Variants in ZMAT4 observed in about 807,000 individuals in gnomAD.
ZMAT4 encodes zinc finger matrin-type 4, also known as zinc finger matrin-type protein 4.
Under a neutral mutation model 28.7 loss-of-function variants are expected in ZMAT4, and 17 were observed. The observed-to-expected ratio is 0.59, with a 90% CI of 0.41 to 0.89. ZMAT4 has a LOEUF of 0.89. Ranked by LOEUF, ZMAT4 falls within the 40% of genes least tolerant of loss-of-function variation. The probability of loss-of-function intolerance (pLI) is 0.00; values close to 1 mark genes in which losing one functional copy is unlikely to be tolerated. For synonymous variants in ZMAT4, 117 were observed against 109.2 expected (o/e 1.07, Z -0.44); for missense variants, 240 against 283.8 (o/e 0.85, Z 1.11).
chr8:40,820,971 G>A (rs1815799639), intron 2 of ZMAT4, among the ~76,000 whole-genome samples: 1 of 73,702 alleles, frequency 1.4e-5, no homozygotes, highest in Non-Finnish European at 2.9e-5. Context: ...GTGTATGTGT[G>A]TATGTGTATG....
intron 6 of ZMAT4, among the ~76,000 whole-genome samples, chr8:40,551,947 G>A (rs773769490): frequency 9.9e-5 from 15 of 152,252 alleles, no homozygotes; most frequent in Admixed American, 2.0e-4. Context: ...CCCATACAGC[G>A]TGTGTGAGGA....
intron 1 of ZMAT4, among the ~76,000 whole-genome samples, chr8:40,865,640 T>C (rs911153315): frequency 8.5e-5 from 13 of 152,112 alleles, no homozygotes; most frequent in Non-Finnish European, 1.8e-4. Context: ...GTGGGAGGGA[T>C]TATGCCTTTT....
chr8:40,646,069 A>G (rs918327541), intron 5 of ZMAT4, among the ~76,000 whole-genome samples: 1 of 152,010 alleles, frequency 6.6e-6, no homozygotes, highest in African/African-American at 2.4e-5. Flanking sequence ...TATATATTAT[A>G]AACCATTAAT....
chr8:40,566,802 T>A (rs1343761468), intron 6 of ZMAT4, among the ~76,000 whole-genome samples: 4 of 151,856 alleles, frequency 2.6e-5, no homozygotes, highest in African/African-American at 9.7e-5. Flanking sequence ...AAGGGACAAC[T>A]AGGTGCTAAT....
At chr8:40,548,134 G>A (rs147978647) in intron 6 of ZMAT4, among the ~76,000 whole-genome samples, 303 of 152,246 alleles carry the variant, frequency 2.0e-3, no homozygotes, top group African/African-American at 7.1e-3. Flanking sequence ...TGGAAGGAAT[G>A]CAAAGAGATA....
chr8:40,762,641 G>T (rs754075673), intron 3 of ZMAT4, among the ~76,000 whole-genome samples: 1 of 152,100 alleles, frequency 6.6e-6, no homozygotes, highest in Non-Finnish European at 1.5e-5. Flanking sequence ...GGGAAACAGA[G>T]CAAGACCCCA....
intron 6 of ZMAT4, among the ~76,000 whole-genome samples, chr8:40,543,126 G>A (rs553939744): frequency 6.6e-6 from 1 of 151,458 alleles, no homozygotes; most frequent in East Asian, 1.9e-4. Flanking sequence ...CAGAGTTTAC[G>A]TGCCATCCAG....
chr8:40,820,476 T>A (rs1196334061), intron 2 of ZMAT4, among the ~76,000 whole-genome samples: 1 of 149,778 alleles, frequency 6.7e-6, no homozygotes, highest in Non-Finnish European at 1.5e-5. Flanking sequence ...GTATGTGTGT[T>A]TATGTGTATG....
chr8:40,796,929 T>C (rs999375974), intron 2 of ZMAT4, among the ~76,000 whole-genome samples: 6 of 152,158 alleles, frequency 3.9e-5, no homozygotes, highest in African/African-American at 9.7e-5. Flanking sequence ...TCCAGCCCCA[T>C]AACTGGCTAA....
chr8:40,788,288 G>GCTTA (rs35910283), intron 2 of ZMAT4, among the ~76,000 whole-genome samples: 25,113 of 152,054 alleles, frequency 0.17, 2,554 homozygotes, highest in Middle Eastern at 0.24. Flanking sequence ...AACTACCAAA[G>GCTTA]CTTAAGAATA....
intron 3 of ZMAT4, among the ~76,000 whole-genome samples, chr8:40,719,821 C>CT (rs1324444617): frequency 1.3e-5 from 2 of 152,146 alleles, no homozygotes; most frequent in African/African-American, 4.8e-5. Flanking sequence ...TCTGCCCCCC[C>CT]TCAGCCTCCC....
chr8:40,532,160 A>G lies in ZMAT4; in HGVS notation c.*63T>C. The G allele has an allele frequency of 6.7e-7, 1 of 1,486,356 alleles. No homozygotes were observed. The highest frequency in any genetic ancestry group is 9.1e-7 in the Non-Finnish European group (1 of 1,103,746). 92.1% of individuals were successfully genotyped at this position (1,486,356 alleles called of 1,614,324 possible). On this transcript the variant is annotated 3_prime_UTR_variant, in exon 7 of 7. Transcript: ENST00000297737. Reference sequence around the variant, plus strand: ...AAAGAAGCCTCCTCTGGTGGTTGATAAGCAATTCTCCACGGCAGAGAAATG... The same window carrying G: ...AAAGAAGCCTCCTCTGGTGGTTGATGAGCAATTCTCCACGGCAGAGAAATG...
At chr8:40,642,777 TGCC>T (rs1307735192) in intron 5 of ZMAT4, among the ~76,000 whole-genome samples, 1 of 152,248 alleles carries the variant, frequency 6.6e-6, no homozygotes, top group African/African-American at 2.4e-5. Context: ...GGAGGAGCAC[TGCC>T]GTGCATATGC....
intron 5 of ZMAT4, among the ~76,000 whole-genome samples, chr8:40,601,947 C>T (rs1447303415): frequency 6.6e-6 from 1 of 152,034 alleles, no homozygotes; most frequent in Non-Finnish European, 1.5e-5. Context: ...GTGGTGGTTT[C>T]TGAAATTTTG....
At chr8:40,541,565 C>T (rs987066448) in intron 6 of ZMAT4, among the ~76,000 whole-genome samples, 1 of 152,138 alleles carries the variant, frequency 6.6e-6, no homozygotes, top group African/African-American at 2.4e-5. Context: ...CGAGTCTGGC[C>T]AGTGGCTACT....
At chr8:40,816,133 G>C (rs1815525065) in intron 2 of ZMAT4, among the ~76,000 whole-genome samples, 1 of 152,154 alleles carries the variant, frequency 6.6e-6, no homozygotes. Flanking sequence ...ACATGCCCCA[G>C]CCTCTCTACA....
At chr8:40,590,335 A>G (rs1299674408) in intron 5 of ZMAT4, among the ~76,000 whole-genome samples, 4 of 151,712 alleles carry the variant, frequency 2.6e-5, no homozygotes, top group Non-Finnish European at 2.9e-5. Flanking sequence ...TCTGGCCTAA[A>G]TACTTTCTTA....
intron 6 of ZMAT4, among the ~76,000 whole-genome samples, chr8:40,535,439 G>A (rs1157274810): frequency 6.6e-6 from 1 of 152,192 alleles, no homozygotes; most frequent in Non-Finnish European, 1.5e-5. Context: ...GGGAGGCTGA[G>A]GCAGGCGGAT....
intron 1 of ZMAT4, among the ~76,000 whole-genome samples, chr8:40,834,871 T>C (rs908488957): frequency 5.9e-5 from 9 of 152,210 alleles, no homozygotes; most frequent in African/African-American, 9.6e-5. Flanking sequence ...GCAGAGACTC[T>C]GCAAGGCAAG....
Sources: gnomAD v4.1 joint callset for allele counts (sites outside exome capture counted in the v4.1 genomes callset) on GRCh38, gnomAD v4.1.1 for gene constraint, MANE v1.5 for transcripts, NCBI Gene and HGNC (gene_info 2026-07-23, HGNC 2026-07-21) for gene names.